The following ARHGAP22 variants were observed in gnomAD, a reference collection of about 807,000 sequenced individuals.
The protein encoded by ARHGAP22 is rho GTPase-activating protein 22.
A neutral mutation model predicts 59.1 loss-of-function variants in ARHGAP22; 48 were observed. The observed-to-expected ratio is 0.81, with a 90% CI of 0.64 to 1.03. The LOEUF is 1.03. Among genes scored for constraint, ARHGAP22 ranks in the 50% least tolerant of loss-of-function variants. The pLI, the probability that ARHGAP22 is intolerant of heterozygous loss-of-function variation, is 0.00. For synonymous variants in ARHGAP22, 445 were observed against 416.4 expected (o/e 1.07, Z -0.84); for missense variants, 1,015 against 958.7 (o/e 1.06, Z -0.78).
intron 2 of ARHGAP22, among the ~76,000 whole-genome samples, chr10:48,576,795 T>C (rs572294353): frequency 6.6e-6 from 1 of 152,318 alleles, no homozygotes; most frequent in Non-Finnish European, 1.5e-5. Flanking sequence ...TATTTCTAAT[T>C]AGTATGCTTA....
At chr10:48,492,369 C>T (rs1403738464) in intron 3 of ARHGAP22, among the ~76,000 whole-genome samples, 1 of 152,132 alleles carries the variant, frequency 6.6e-6, no homozygotes, top group Non-Finnish European at 1.5e-5. Flanking sequence ...CAGAAGCCCT[C>T]GGAGGGCCCT....
intron 1 of ARHGAP22, among the ~76,000 whole-genome samples, chr10:48,593,931 G>A (rs989685459): frequency 6.6e-6 from 1 of 152,210 alleles, no homozygotes; most frequent in Non-Finnish European, 1.5e-5. Flanking sequence ...TTCCTAAAGG[G>A]AAGCCCGGAG....
intron 7 of ARHGAP22, 72 bp from the exon 8 acceptor site, chr10:48,453,497 C>G: frequency 3.1e-6 from 5 of 1,596,684 alleles, no homozygotes; most frequent in Non-Finnish European, 4.3e-6. Context: ...GCGGCCTGGA[C>G]GCACCGCCAC....
At position 48,516,851 on chromosome 10, in the gene ARHGAP22, C is replaced by A. The variant is rs1475862307; in HGVS notation, c.323-37087G>T. ...ATAAAAAATCCTCAAGAAAAACTAGCAAAATAGAATCCAAATCTACTGATG... is the reference window on the plus strand; with the variant it reads ...ATAAAAAATCCTCAAGAAAAACTAGAAAAATAGAATCCAAATCTACTGATG... On this transcript the variant is annotated intron_variant, in intron 3 of 9. Coordinates refer to ENST00000249601, the MANE Select transcript of ARHGAP22 (RefSeq NM_021226.4). Among the ~76,000 whole-genome samples, 3 of 152,070 alleles carry A rather than the reference C, an allele frequency of 2.0e-5. No individual in the cohort carries two copies. In the East Asian group the frequency reaches 5.8e-4, roughly 29 times the overall value.
At chr10:48,533,190 T>C (rs1013521830) in intron 3 of ARHGAP22, among the ~76,000 whole-genome samples, 9 of 151,844 alleles carry the variant, frequency 5.9e-5, no homozygotes, top group African/African-American at 2.2e-4. Flanking sequence ...TGTTTTTTTT[T>C]TTTTTTTTAA....
chr10:48,621,254 C>A (rs2061276969), intron 1 of ARHGAP22, among the ~76,000 whole-genome samples: 1 of 152,150 alleles, frequency 6.6e-6, no homozygotes, highest in Non-Finnish European at 1.5e-5. Flanking sequence ...AAGAAGTTGT[C>A]CTTATTTTTA....
At chr10:48,622,142 T>C (rs1005224825) in intron 1 of ARHGAP22, among the ~76,000 whole-genome samples, 4 of 152,266 alleles carry the variant, frequency 2.6e-5, no homozygotes, top group African/African-American at 4.8e-5. Flanking sequence ...TTGCATTTAA[T>C]GTAACTGCTG....
intron 3 of ARHGAP22, among the ~76,000 whole-genome samples, chr10:48,545,168 G>C (rs184539732): frequency 6.6e-6 from 1 of 152,216 alleles, no homozygotes; most frequent in African/African-American, 2.4e-5. Context: ...TTGTGAGTGT[G>C]TAGTAGGTGT....
intron 3 of ARHGAP22, among the ~76,000 whole-genome samples, chr10:48,492,126 G>A (rs4838411): frequency 0.95 from 144,432 of 152,304 alleles, 68,976 homozygotes; most frequent in East Asian, 1. Context: ...AAGAAAAAAG[G>A]GTAACTGATA....
intron 3 of ARHGAP22, among the ~76,000 whole-genome samples, chr10:48,530,236 C>CAAAAAAAAAAAAAAA (rs60902650): frequency 4.1e-5 from 2 of 49,040 alleles, no homozygotes; most frequent in East Asian, 8.1e-4. Flanking sequence ...GACTCCATTG[C>CAAAAAAAAAAAAAAA]AAAAAAAAAA....
chr10:48,637,082 T>G (rs2061848594), intron 1 of ARHGAP22, among the ~76,000 whole-genome samples: 1 of 152,204 alleles, frequency 6.6e-6, no homozygotes, highest in Admixed American at 6.5e-5. Flanking sequence ...CTGCCATCCC[T>G]GCCAGGCCAG....
At chr10:48,500,282 G>A (rs532181196) in intron 3 of ARHGAP22, among the ~76,000 whole-genome samples, 1 of 152,228 alleles carries the variant, frequency 6.6e-6, no homozygotes, top group African/African-American at 2.4e-5. Flanking sequence ...AGAGCAAGAA[G>A]CTGAAATAAG....
chr10:48,466,271 C>G (rs980556206), intron 4 of ARHGAP22, among the ~76,000 whole-genome samples: 3 of 3,806 alleles, frequency 7.9e-4, no homozygotes, highest in Admixed American at 7.6e-3. Flanking sequence ...GTCCCTGCGC[C>G]CCCCCCCAGA....
At chr10:48,604,389 CT>C (rs1361900335) in intron 1 of ARHGAP22, among the ~76,000 whole-genome samples, 1 of 152,252 alleles carries the variant, frequency 6.6e-6, no homozygotes, top group African/African-American at 2.4e-5. Context: ...GTAAGGGGTG[CT>C]TCTGTGTTGG....
chr10:48,600,914 T>A (rs1461138426), intron 1 of ARHGAP22, among the ~76,000 whole-genome samples: 1 of 152,224 alleles, frequency 6.6e-6, no homozygotes, highest in Non-Finnish European at 1.5e-5. Context: ...CAGGCTCTTC[T>A]GAGGCCTCTA....
chr10:48,654,935 C>A, upstream of ARHGAP22, among the ~76,000 whole-genome samples: 1 of 113,458 alleles, frequency 8.8e-6, no homozygotes, highest in Non-Finnish European at 1.9e-5. Context: ...CTCTGTTTCT[C>A]TCTCTCTTTC....
At chr10:48,634,688 G>A (rs541754119) in intron 1 of ARHGAP22, among the ~76,000 whole-genome samples, 2 of 152,162 alleles carry the variant, frequency 1.3e-5, no homozygotes, top group African/African-American at 2.4e-5. Context: ...ACAGCTCTGA[G>A]CCCAGGAAAG....
intron 1 of ARHGAP22, among the ~76,000 whole-genome samples, chr10:48,610,606 C>G (rs1465465813): frequency 2.0e-5 from 3 of 152,112 alleles, no homozygotes; most frequent in African/African-American, 7.2e-5. Context: ...CAGCTGGGTT[C>G]CAGTGGCAGA....
chr10:48,655,579 G>A (rs370508750), upstream of ARHGAP22: 207 of 152,862 alleles, frequency 1.4e-3, no homozygotes, highest in South Asian at 8.0e-3. Context: ...CAGTTCCCGG[G>A]GCCTGCCGGG....
Sources: gnomAD v4.1 joint callset for allele counts (sites outside exome capture counted in the v4.1 genomes callset) on GRCh38, gnomAD v4.1.1 for gene constraint, MANE v1.5 for transcripts, NCBI Gene and HGNC (gene_info 2026-07-23, HGNC 2026-07-21) for gene names.